Variants in ABTB3 observed in about 807,000 individuals in gnomAD.
ABTB3 encodes the protein ankyrin repeat and BTB domain containing 3, also known as ankyrin repeat- and BTB/POZ domain-containing protein 3.
chr12:107,387,727 G>A, the ABTB3 span, among the ~76,000 whole-genome samples: 3 of 152,124 alleles, frequency 2.0e-5, no homozygotes, highest in Non-Finnish European at 2.9e-5. Context: ...AGACCACCAG[G>A]CCATAGCAGT....
chr12:107,352,452 A>G, the ABTB3 span, among the ~76,000 whole-genome samples: 1 of 152,066 alleles, frequency 6.6e-6, no homozygotes, highest in Middle Eastern at 3.2e-3. Context: ...GACCTCAGAG[A>G]CCTCTGGGAG....
At chr12:107,403,957 G>C in the ABTB3 span, among the ~76,000 whole-genome samples, 1 of 152,102 alleles carries the variant, frequency 6.6e-6, no homozygotes, top group Non-Finnish European at 1.5e-5. Context: ...GAGGTCAGGA[G>C]TTCGAGACCA....
the ABTB3 span, chr12:107,581,270 C>T: frequency 6.7e-7 from 1 of 1,503,146 alleles, no homozygotes; most frequent in South Asian, 1.2e-5. Context: ...CCGGCTGCTG[C>T]TGCCCGGCGT....
the ABTB3 span, among the ~76,000 whole-genome samples, chr12:107,567,609 C>T: frequency 1.3e-5 from 2 of 152,300 alleles, no homozygotes; most frequent in South Asian, 2.1e-4. Flanking sequence ...ATCCCCGGCC[C>T]GCAGACCAGT....
At chr12:107,499,098 T>C in the ABTB3 span, among the ~76,000 whole-genome samples, 1 of 152,148 alleles carries the variant, frequency 6.6e-6, no homozygotes, top group African/African-American at 2.4e-5. Context: ...TGCCCAGGTC[T>C]TGGCACACAG....
the ABTB3 span, among the ~76,000 whole-genome samples, chr12:107,644,794 T>C: frequency 6.6e-6 from 1 of 152,052 alleles, no homozygotes; most frequent in South Asian, 2.1e-4. Context: ...GTGTACTCAA[T>C]GTTTGGCCCC....
At chr12:107,322,221 A>C in the ABTB3 span, among the ~76,000 whole-genome samples, 4 of 152,210 alleles carry the variant, frequency 2.6e-5, no homozygotes, top group African/African-American at 9.7e-5. Context: ...GGTTTTGGGC[A>C]GGGTGAGTGT....
chr12:107,610,156 G>A, the ABTB3 span: 12 of 1,613,282 alleles, frequency 7.4e-6, no homozygotes, highest in East Asian at 2.2e-5. Context: ...CTGGGAAGCC[G>A]CTGTACCCGC....
chr12:107,565,727 C>CCAGAAATCAACCCCTT, the ABTB3 span, among the ~76,000 whole-genome samples: 1 of 152,162 alleles, frequency 6.6e-6, no homozygotes, highest in Non-Finnish European at 1.5e-5. Context: ...ACAGCCGGCC[C>CCAGAAATCAACCCCTT]CAGAAATCAA....
At chr12:107,512,801 T>G in the ABTB3 span, among the ~76,000 whole-genome samples, 1 of 152,256 alleles carries the variant, frequency 6.6e-6, no homozygotes, top group Non-Finnish European at 1.5e-5. Flanking sequence ...GCAAATATTT[T>G]ATAACACTTC....
At chr12:107,368,232 G>A in the ABTB3 span, among the ~76,000 whole-genome samples, 1 of 152,146 alleles carries the variant, frequency 6.6e-6, no homozygotes, top group African/African-American at 2.4e-5. Flanking sequence ...CATTCAACAC[G>A]GCAGAGAGAT....
chr12:107,357,453 TA>T, the ABTB3 span, among the ~76,000 whole-genome samples: 1 of 151,776 alleles, frequency 6.6e-6, no homozygotes, highest in Non-Finnish European at 1.5e-5. Context: ...ACAAAACTTT[TA>T]AAAAAAATTA....
At chr12:107,337,529 G>A in the ABTB3 span, among the ~76,000 whole-genome samples, 1 of 152,268 alleles carries the variant, frequency 6.6e-6, no homozygotes, top group East Asian at 1.9e-4. Flanking sequence ...TCATTCAGTT[G>A]CTCCATCACC....
chr12:107,651,523 A>T, the ABTB3 span: 1 of 567,582 alleles, frequency 1.8e-6, no homozygotes, highest in South Asian at 2.0e-5. Context: ...CTTTTCCTCT[A>T]GTGTTACCTT....
the ABTB3 span, among the ~76,000 whole-genome samples, chr12:107,626,973 C>A: frequency 6.6e-6 from 1 of 151,984 alleles, no homozygotes; most frequent in Non-Finnish European, 1.5e-5. Context: ...CATCACAAGA[C>A]CCCATCTCTA....
chr12:107,652,285 A>G, the ABTB3 span, among the ~76,000 whole-genome samples: 1 of 152,236 alleles, frequency 6.6e-6, no homozygotes, highest in Non-Finnish European at 1.5e-5. Flanking sequence ...GTGGCTTTGC[A>G]TGCCCTCCAG....
the ABTB3 span, among the ~76,000 whole-genome samples, chr12:107,485,356 A>G: frequency 6.6e-6 from 1 of 152,154 alleles, no homozygotes; most frequent in African/African-American, 2.4e-5. Flanking sequence ...CAGGACCCCT[A>G]TCCTTCCCTT....
At chr12:107,581,312 CG>C in the ABTB3 span, 1 of 1,318,868 alleles carries the variant, frequency 7.6e-7, no homozygotes, top group Non-Finnish European at 9.6e-7. Context: ...CAGGTAGGCG[CG>C]GGGGCGGGCG....
the ABTB3 span, among the ~76,000 whole-genome samples, chr12:107,552,651 T>C: frequency 1.2e-4 from 18 of 152,322 alleles, no homozygotes; most frequent in East Asian, 3.3e-3. Flanking sequence ...CATGCCAAAG[T>C]TAATGAAATC....
Sources: allele counts gnomAD v4.1 joint callset (sites outside exome capture counted in the v4.1 genomes callset), GRCh38; gene constraint gnomAD v4.1.1; transcripts MANE v1.5; gene names NCBI Gene and HGNC (gene_info 2026-07-23, HGNC 2026-07-21).